Variants in FAF1 observed in about 807,000 individuals in gnomAD.
The protein encoded by FAF1 is FAS-associated factor 1.
In FAF1, 25 loss-of-function variants were observed where a neutral mutation model predicts 92.5. That is an observed-to-expected ratio of 0.27 (90% confidence interval 0.20 to 0.38). The LOEUF is 0.38. Among genes scored for constraint, FAF1 ranks in the 10% least tolerant of loss-of-function variants. The pLI is 1.00. For synonymous variants in FAF1, 234 were observed against 273.2 expected (o/e 0.86, Z 1.42); for missense variants, 636 against 793.3 (o/e 0.80, Z 2.38).
At chr1:50,761,944 T>C (rs1012561923) in intron 4 of FAF1, among the ~76,000 whole-genome samples, 12 of 151,988 alleles carry the variant, frequency 7.9e-5, no homozygotes, top group Non-Finnish European at 7.4e-5. Context: ...AAAACCCCAT[T>C]GTCTCAGCCC....
chr1:50,606,015 G>A (rs1166101800), intron 8 of FAF1, among the ~76,000 whole-genome samples: 1 of 152,094 alleles, frequency 6.6e-6, no homozygotes, highest in Admixed American at 6.6e-5. Flanking sequence ...TGAGAAATGG[G>A]AATAATATCT....
rs72899002 is a variant in FAF1, at chr1:50,585,087, T to C, written c.841-276A>G. Among the ~76,000 whole-genome samples, 999 of 152,232 alleles carry C rather than the reference T, an allele frequency of 6.6e-3. 20 individuals carry two copies. Among genetic ancestry groups the C allele is most frequent in the African/African-American group, 0.023 (954 of 41,550 alleles). ...GATTTTTGTCTTTTTCCCCAGCATA[T>C]AGTATACAAGTAAGTGCAAAACAAA... On this transcript the variant is annotated intron_variant, in intron 9 of 18. Transcript: ENST00000396153.
intron 7 of FAF1, among the ~76,000 whole-genome samples, chr1:50,677,827 G>A (rs938650678): frequency 4.0e-5 from 6 of 149,716 alleles, no homozygotes; most frequent in South Asian, 2.1e-4. Context: ...CCCAGGAGGC[G>A]GAGGTTGTGG....
At chr1:50,762,246 T>C (rs1017697839) in intron 4 of FAF1, among the ~76,000 whole-genome samples, 1 of 152,168 alleles carries the variant, frequency 6.6e-6, no homozygotes, top group African/African-American at 2.4e-5. Flanking sequence ...ATCAATATTG[T>C]GAAAATGGCC....
chr1:50,885,175 A>G (rs921154355), intron 1 of FAF1, among the ~76,000 whole-genome samples: 2 of 152,116 alleles, frequency 1.3e-5, no homozygotes, highest in Non-Finnish European at 2.9e-5. Context: ...TAGTCTGGCT[A>G]AAGATTTGTC....
At chr1:50,933,002 A>T (rs1055138585) in intron 1 of FAF1, among the ~76,000 whole-genome samples, 1 of 152,108 alleles carries the variant, frequency 6.6e-6, no homozygotes, top group African/African-American at 2.4e-5. Context: ...AGCGGCTGGG[A>T]CACAGGGCAC....
chr1:50,954,540 A>ATTTTT (rs199964324), intron 1 of FAF1, among the ~76,000 whole-genome samples: 1 of 120,370 alleles, frequency 8.3e-6, no homozygotes, highest in Admixed American at 9.1e-5. Context: ...AAAAATTTTG[A>ATTTTT]TTTTTTTTTT....
At chr1:50,717,244 A>G (rs1433103450) in intron 6 of FAF1, among the ~76,000 whole-genome samples, 2 of 152,198 alleles carry the variant, frequency 1.3e-5, no homozygotes, top group East Asian at 3.8e-4. Flanking sequence ...CCTAACCCCC[A>G]ATGTGATGAT....
intron 12 of FAF1, among the ~76,000 whole-genome samples, chr1:50,567,880 C>T (rs1049504795): frequency 6.6e-6 from 1 of 152,014 alleles, no homozygotes; most frequent in Non-Finnish European, 1.5e-5. Context: ...CAGAAAATGT[C>T]CACTGTGGCT....
In FAF1 at chr1:50,618,276, T is replaced by C. The variant is rs555185702; in HGVS notation, c.745-22060A>G. ...TTTCTAACTAATTAATGAGGGTGTTTAGAGCTATAAACTTTCCTCTTAACA... is the reference window on the plus strand; with the variant it reads ...TTTCTAACTAATTAATGAGGGTGTTCAGAGCTATAAACTTTCCTCTTAACA... On this transcript the variant is annotated intron_variant, in intron 8 of 18. Transcript: ENST00000396153. Among the ~76,000 whole-genome samples, 8 of 152,270 alleles carry C rather than the reference T, an allele frequency of 5.3e-5. No homozygotes were observed. The South Asian group carries it at 1.2e-3, about 24-fold the overall frequency.
At chr1:50,954,097 C>T (rs982488356) in intron 1 of FAF1, among the ~76,000 whole-genome samples, 4 of 151,884 alleles carry the variant, frequency 2.6e-5, no homozygotes, top group African/African-American at 4.8e-5. Context: ...TACAGGTGCC[C>T]GCCACCATGC....
chr1:50,447,554 T>C (rs1646244014), intron 18 of FAF1, among the ~76,000 whole-genome samples: 1 of 152,252 alleles, frequency 6.6e-6, no homozygotes, highest in South Asian at 2.1e-4. Context: ...ATAACTTTCA[T>C]TCTCTAGACT....
At chr1:50,719,306 T>C (rs1326915990) in intron 6 of FAF1, among the ~76,000 whole-genome samples, 1 of 152,216 alleles carries the variant, frequency 6.6e-6, no homozygotes, top group Non-Finnish European at 1.5e-5. Flanking sequence ...CTACAGTTGT[T>C]AACATCCTCC....
intron 3 of FAF1, among the ~76,000 whole-genome samples, chr1:50,798,836 C>G (rs1350298833): frequency 2.0e-5 from 3 of 152,108 alleles, no homozygotes; most frequent in Non-Finnish European, 4.4e-5. Flanking sequence ...ACATTATGTA[C>G]ATGTATTGGA....
chr1:50,934,915 T>C (rs1451725566), intron 1 of FAF1, among the ~76,000 whole-genome samples: 1 of 152,240 alleles, frequency 6.6e-6, no homozygotes, highest in Non-Finnish European at 1.5e-5. Context: ...TATTCATGAA[T>C]GTTTTTCCCC....
intron 15 of FAF1, among the ~76,000 whole-genome samples, chr1:50,494,972 T>C (rs538685640): frequency 7.4e-4 from 112 of 152,250 alleles, no homozygotes; most frequent in Non-Finnish European, 1.2e-3. Flanking sequence ...TATTTTTAGT[T>C]AAAAAAATTT....
intron 1 of FAF1, among the ~76,000 whole-genome samples, chr1:50,957,369 T>TTTTC (rs1645276121): frequency 1.3e-5 from 1 of 78,690 alleles, no homozygotes; most frequent in Non-Finnish European, 3.1e-5. Context: ...TTTTTTTTTT[T>TTTTC]GAGACAGAGT....
rs201558823 is a variant in FAF1, at chr1:50,672,013, GTCTT to G, written c.658-16489_658-16486del. 9.5e-3 allele frequency among the ~76,000 whole-genome samples: 1,134 copies of G among 119,752 alleles called. 9 individuals carry two copies. Among genetic ancestry groups the G allele is most frequent in the Middle Eastern group, 0.093 (21 of 226 alleles). 78.6% of individuals were successfully genotyped at this position (119,752 alleles called of 152,430 possible). On this transcript the variant is annotated intron_variant, in intron 7 of 18. Coordinates refer to ENST00000396153, the MANE Select transcript of FAF1 (RefSeq NM_007051.3). Reference sequence around the variant, plus strand: ...AGGTCTCACTATGTTGTCCAGGGTGGTCTTTCTTTTTTTTTTTTTTATTATTTAT... The same window carrying G: ...AGGTCTCACTATGTTGTCCAGGGTGGTCTTTTTTTTTTTTTTATTATTTAT...
At chr1:50,579,986 A>G (rs924981189) in intron 12 of FAF1, among the ~76,000 whole-genome samples, 24 of 152,300 alleles carry the variant, frequency 1.6e-4, no homozygotes, top group African/African-American at 5.8e-4. Flanking sequence ...ATGTAGGAGA[A>G]TATCATTATT....
Sources: gnomAD v4.1 joint callset for allele counts (sites outside exome capture counted in the v4.1 genomes callset) on GRCh38, gnomAD v4.1.1 for gene constraint, MANE v1.5 for transcripts, NCBI Gene and HGNC (gene_info 2026-07-23, HGNC 2026-07-21) for gene names.